The following GALNT1 variants were observed in gnomAD, a reference collection of about 807,000 sequenced individuals.
GALNT1 encodes GalNAc transferase 1.
A neutral mutation model predicts 65.7 loss-of-function variants in GALNT1; 17 were observed. The ratio of observed to expected loss-of-function variants is 0.26; its 90% confidence interval spans 0.18 to 0.39. GALNT1 has a LOEUF of 0.39. Among genes scored for constraint, GALNT1 ranks in the 10% least tolerant of loss-of-function variants. The probability of loss-of-function intolerance (pLI) is 1.00; values close to 1 mark genes in which losing one functional copy is unlikely to be tolerated. For synonymous variants in GALNT1, 210 were observed against 219.7 expected, an observed-to-expected ratio of 0.96 and a Z score of 0.39; for missense variants, 460 against 672.8, an observed-to-expected ratio of 0.68 and a Z score of 3.50.
intron 2 of GALNT1, among the ~76,000 whole-genome samples, chr18:35,657,440 A>G (rs999642541): frequency 6.6e-6 from 1 of 152,190 alleles, no homozygotes; most frequent in Non-Finnish European, 1.5e-5. Context: ...GATGTTCTGC[A>G]GTAGAGAATG....
At chr18:35,618,013 C>G (rs985414952) in intron 1 of GALNT1, among the ~76,000 whole-genome samples, 1 of 150,600 alleles carries the variant, frequency 6.6e-6, no homozygotes, top group African/African-American at 2.4e-5. Flanking sequence ...AAGGTTTCAT[C>G]TTTTAAGACT....
chr18:35,652,284 C>A (rs2047321362), intron 1 of GALNT1, among the ~76,000 whole-genome samples: 2 of 152,160 alleles, frequency 1.3e-5, no homozygotes, highest in South Asian at 4.1e-4. Flanking sequence ...TGTGGACATT[C>A]TTTCTTTGTT....
chr18:35,597,664 A>G (rs1157489012), intron 1 of GALNT1: 2 of 152,562 alleles, frequency 1.3e-5, no homozygotes, highest in Admixed American at 1.3e-4. Flanking sequence ...AATCTGGGCT[A>G]CCTTGCCTAT....
intron 1 of GALNT1, among the ~76,000 whole-genome samples, chr18:35,617,954 C>T (rs2046805598): frequency 6.6e-6 from 1 of 151,876 alleles, no homozygotes; most frequent in South Asian, 2.1e-4. Context: ...GATAACTCTT[C>T]AGATTAGGGT....
rs368603075 is a variant in GALNT1, at chr18:35,643,492, G to A, written c.-103-11068G>A. On this transcript the variant is annotated intron_variant, in intron 1 of 11. Coordinates refer to ENST00000269195, the MANE Select transcript of GALNT1 (RefSeq NM_020474.4). ...ACATAACACATATCTGGCTGGGCACGGTGGCTCACGCCTGTAATCCCAACA... is the reference window on the plus strand; with the variant it reads ...ACATAACACATATCTGGCTGGGCACAGTGGCTCACGCCTGTAATCCCAACA... Among the ~76,000 whole-genome samples, 167 of 152,202 alleles carry A rather than the reference G, an allele frequency of 1.1e-3. 5 individuals carry two copies. The South Asian group carries it at 0.034, about 31-fold the overall frequency.
intron 2 of GALNT1, among the ~76,000 whole-genome samples, chr18:35,659,590 A>G (rs1053570205): frequency 1.3e-5 from 2 of 150,456 alleles, no homozygotes; most frequent in African/African-American, 4.8e-5. Flanking sequence ...TTTGGGTGTT[A>G]TATAGAGTGT....
chr18:35,701,093 A>G (rs1467328471), intron 9 of GALNT1, among the ~76,000 whole-genome samples: 3 of 151,842 alleles, frequency 2.0e-5, no homozygotes, highest in Admixed American at 2.0e-4. Context: ...TCTTTAAGAG[A>G]CAGGGCCTTG....
intron 3 of GALNT1, among the ~76,000 whole-genome samples, chr18:35,672,051 A>G (rs2047644912): frequency 6.6e-6 from 1 of 152,220 alleles, no homozygotes; most frequent in Non-Finnish European, 1.5e-5. Flanking sequence ...GATAGTGGCA[A>G]AGTCCAAGTC....
chr18:35,681,442 T>G (rs2047784466), intron 4 of GALNT1, among the ~76,000 whole-genome samples: 1 of 152,062 alleles, frequency 6.6e-6, no homozygotes, highest in Admixed American at 6.6e-5. Context: ...CAAGAAAATT[T>G]GTGGAAGAGC....
chr18:35,607,544 T>G (rs1441038233), intron 1 of GALNT1, among the ~76,000 whole-genome samples: 2 of 152,170 alleles, frequency 1.3e-5, no homozygotes, highest in Admixed American at 1.3e-4. Flanking sequence ...GAAGAGGTAC[T>G]TCTGTCTCAT....
intron 2 of GALNT1, among the ~76,000 whole-genome samples, chr18:35,662,406 T>C (rs1260947796): frequency 2.0e-5 from 3 of 152,226 alleles, no homozygotes; most frequent in African/African-American, 7.2e-5. Flanking sequence ...TTCATCATCA[T>C]TTTCTGAAAT....
At chr18:35,585,641 A>AC (rs1391432825) in intron 1 of GALNT1, among the ~76,000 whole-genome samples, 5 of 151,562 alleles carry the variant, frequency 3.3e-5, no homozygotes, top group Non-Finnish European at 7.4e-5. Flanking sequence ...TTCTACCTCC[A>AC]CCCCCTCCTT....
intron 9 of GALNT1, among the ~76,000 whole-genome samples, chr18:35,701,846 GAAT>G (rs2048169358): frequency 6.6e-6 from 1 of 152,166 alleles, no homozygotes; most frequent in Non-Finnish European, 1.5e-5. Flanking sequence ...GATTTTGGTG[GAAT>G]AGCAAGATGG....
intron 1 of GALNT1, among the ~76,000 whole-genome samples, chr18:35,588,654 G>A (rs2046406626): frequency 6.6e-6 from 1 of 152,022 alleles, no homozygotes; most frequent in South Asian, 2.1e-4. Context: ...TTCATATTGG[G>A]CTCTTGTCTT....
chr18:35,707,513 C>CA, intron 11 of GALNT1, among the ~76,000 whole-genome samples: 1 of 152,338 alleles, frequency 6.6e-6, no homozygotes, highest in South Asian at 2.1e-4. Flanking sequence ...CAGGGTTCTC[C>CA]ACCAGAGTCT....
intron 2 of GALNT1, chr18:35,659,919 C>T (rs1005146602): frequency 2.6e-5 from 4 of 151,958 alleles, no homozygotes; most frequent in African/African-American, 9.7e-5. Flanking sequence ...AGAAAGTTAC[C>T]AGTGAGTTAA....
At chr18:35,649,425 A>G (rs545608609) in intron 1 of GALNT1, among the ~76,000 whole-genome samples, 2 of 152,106 alleles carry the variant, frequency 1.3e-5, no homozygotes, top group African/African-American at 4.8e-5. Flanking sequence ...AAAGTTTTTT[A>G]TATATTCCGG....
At chr18:35,640,404 C>A (rs1180370063) in intron 1 of GALNT1, among the ~76,000 whole-genome samples, 2 of 151,752 alleles carry the variant, frequency 1.3e-5, no homozygotes, top group Admixed American at 1.3e-4. Context: ...TTGTGTTAAA[C>A]CTTTAAAAGA....
At chr18:35,672,442 C>G (rs909013326) in intron 3 of GALNT1, among the ~76,000 whole-genome samples, 1 of 152,182 alleles carries the variant, frequency 6.6e-6, no homozygotes, top group South Asian at 2.1e-4. Flanking sequence ...TCCTGCTCCC[C>G]GAGGTGGAAG....
Sources: gnomAD v4.1 joint callset for allele counts (sites outside exome capture counted in the v4.1 genomes callset) on GRCh38, gnomAD v4.1.1 for gene constraint, MANE v1.5 for transcripts, NCBI Gene and HGNC (gene_info 2026-07-23, HGNC 2026-07-21) for gene names.